Variants in NKAIN3 observed in about 807,000 individuals in gnomAD.
The protein encoded by NKAIN3 is sodium/potassium-transporting ATPase subunit beta-1-interacting protein 3.
In NKAIN3, 25 loss-of-function variants were observed where a neutral mutation model predicts 30.2. The observed-to-expected ratio is 0.83, with a 90% confidence interval of 0.60 to 1.16. The LOEUF (loss-of-function observed/expected upper bound fraction) is 1.16, where lower values mean the gene tolerates loss of function less well. Among genes scored for constraint, NKAIN3 ranks in the 50% most tolerant of loss-of-function variants. The pLI, the probability that NKAIN3 is intolerant of heterozygous loss-of-function variation, is 0.00. For synonymous variants in NKAIN3, 91 were observed against 89.6 expected, an observed-to-expected ratio of 1.02 and a Z score of -0.09; for missense variants, 225 against 254.1, an observed-to-expected ratio of 0.89 and a Z score of 0.78.
chr8:62,661,484 G>A (rs1436269796), intron 3 of NKAIN3, among the ~76,000 whole-genome samples: 1 of 152,210 alleles, frequency 6.6e-6, no homozygotes, highest in African/African-American at 2.4e-5. Flanking sequence ...CCCTGGGCTG[G>A]GGCCAAGAAG....
At chr8:62,441,532 ATTATC>A (rs1046313062) in intron 1 of NKAIN3, among the ~76,000 whole-genome samples, 3 of 151,810 alleles carry the variant, frequency 2.0e-5, no homozygotes, top group African/African-American at 7.2e-5. Context: ...GAGTTTTAAT[ATTATC>A]TTATTTTTAA....
chr8:62,820,934 T>C (rs1380769766), intron 4 of NKAIN3, among the ~76,000 whole-genome samples: 3 of 152,162 alleles, frequency 2.0e-5, no homozygotes, highest in African/African-American at 7.2e-5. Context: ...GCTATTTGCT[T>C]CCTGGTAGTT....
chr8:62,865,377 C>T (rs1322356134), intron 4 of NKAIN3, among the ~76,000 whole-genome samples: 2 of 152,218 alleles, frequency 1.3e-5, no homozygotes, highest in East Asian at 3.9e-4. Context: ...AACGGTGACT[C>T]TCATTCTTTA....
chr8:62,659,525 C>G (rs1186584975), intron 3 of NKAIN3, among the ~76,000 whole-genome samples: 1 of 152,208 alleles, frequency 6.6e-6, no homozygotes, highest in East Asian at 1.9e-4. Flanking sequence ...TCTGCTTTTG[C>G]TATCATTGTA....
intron 3 of NKAIN3, among the ~76,000 whole-genome samples, chr8:62,734,227 G>T (rs1011284783): frequency 1.3e-5 from 2 of 152,184 alleles, no homozygotes; most frequent in African/African-American, 4.8e-5. Context: ...AGGTTGCAGT[G>T]AACCGAGACT....
At chr8:62,943,568 G>A (rs1451458459) in intron 5 of NKAIN3, among the ~76,000 whole-genome samples, 1 of 147,398 alleles carries the variant, frequency 6.8e-6, no homozygotes, top group Admixed American at 6.7e-5. Context: ...GTCATTATAC[G>A]AAAAAGACAC....
intron 1 of NKAIN3, among the ~76,000 whole-genome samples, chr8:62,299,159 A>G (rs1283290150): frequency 6.6e-6 from 1 of 152,168 alleles, no homozygotes. Flanking sequence ...GTGTACTTGT[A>G]AACAGAAAAA....
At chr8:62,830,300 A>G (rs1397722331) in intron 4 of NKAIN3, among the ~76,000 whole-genome samples, 2 of 152,136 alleles carry the variant, frequency 1.3e-5, no homozygotes, top group Non-Finnish European at 2.9e-5. Flanking sequence ...TTTAATTATT[A>G]CTGTTTTCTC....
At chr8:62,883,492 G>C (rs4481584) in intron 4 of NKAIN3, among the ~76,000 whole-genome samples, 1 of 42,644 alleles carries the variant, frequency 2.3e-5, no homozygotes, top group Non-Finnish European at 3.7e-5. Context: ...CTACATAGAA[G>C]ATCATGTCAT....
intron 4 of NKAIN3, among the ~76,000 whole-genome samples, chr8:62,831,227 T>A (rs1350206789): frequency 6.6e-6 from 1 of 150,900 alleles, no homozygotes; most frequent in Non-Finnish European, 1.5e-5. Context: ...AATGAAAAAA[T>A]AAATAAATAC....
chr8:62,520,934 T>C (rs752959972), intron 1 of NKAIN3, among the ~76,000 whole-genome samples: 11 of 151,486 alleles, frequency 7.3e-5, no homozygotes, highest in Admixed American at 4.6e-4. Context: ...CACCAGGAAG[T>C]AGCCGACTTC....
At chr8:62,513,880 A>AC (rs1807897138) in intron 1 of NKAIN3, among the ~76,000 whole-genome samples, 1 of 150,636 alleles carries the variant, frequency 6.6e-6, no homozygotes, top group Non-Finnish European at 1.5e-5. Flanking sequence ...AAAAAAAAAA[A>AC]AAAAAGCATA....
chr8:62,289,715 T>G (rs745981488), intron 1 of NKAIN3, among the ~76,000 whole-genome samples: 121 of 152,320 alleles, frequency 7.9e-4, no homozygotes, highest in Admixed American at 2.0e-3. Context: ...AGGATTGTCT[T>G]GGCAATGTGG....
At chr8:62,814,758 A>G (rs1818621213) in intron 4 of NKAIN3, among the ~76,000 whole-genome samples, 1 of 152,104 alleles carries the variant, frequency 6.6e-6, no homozygotes, top group African/African-American at 2.4e-5. Context: ...TTATAGCACT[A>G]AATGCCCACA....
chr8:62,347,268 G>A (rs1585708260), intron 1 of NKAIN3, among the ~76,000 whole-genome samples: 1 of 152,134 alleles, frequency 6.6e-6, no homozygotes, highest in Non-Finnish European at 1.5e-5. Flanking sequence ...TATCCAAAGA[G>A]AACAATGTAT....
At chr8:62,630,598 A>T (rs927614450) in intron 3 of NKAIN3, among the ~76,000 whole-genome samples, 80 of 152,240 alleles carry the variant, frequency 5.3e-4, no homozygotes, top group Non-Finnish European at 7.5e-4. Flanking sequence ...TGTATCCAGA[A>T]CACCATGCAT....
chr8:62,315,733 G>C (rs1814599112), intron 1 of NKAIN3, among the ~76,000 whole-genome samples: 1 of 152,186 alleles, frequency 6.6e-6, no homozygotes, highest in Non-Finnish European at 1.5e-5. Context: ...AGTTTTGAAA[G>C]CCAATTGATA....
At chr8:62,514,065 C>T (rs1807905384) in intron 1 of NKAIN3, among the ~76,000 whole-genome samples, 1 of 151,920 alleles carries the variant, frequency 6.6e-6, no homozygotes, top group Admixed American at 6.6e-5. Context: ...TCCAAGAGTT[C>T]CTGTTATTCT....
chr8:62,653,346 A>G (rs563455613), intron 3 of NKAIN3, among the ~76,000 whole-genome samples: 22 of 152,242 alleles, frequency 1.4e-4, no homozygotes, highest in East Asian at 5.8e-4. Flanking sequence ...TACTAATCCA[A>G]TCATGAAGCC....
Sources: gnomAD v4.1 joint callset for allele counts (sites outside exome capture counted in the v4.1 genomes callset) on GRCh38, gnomAD v4.1.1 for gene constraint, MANE v1.5 for transcripts, NCBI Gene and HGNC (gene_info 2026-07-23, HGNC 2026-07-21) for gene names.